KCNK2: variants seen among roughly 807,000 people sequenced by gnomAD.
KCNK2 encodes potassium two pore domain channel subfamily K member 2, also known as potassium channel subfamily K member 2.
A neutral mutation model predicts 40.5 loss-of-function variants in KCNK2; 21 were observed. The ratio of observed to expected loss-of-function variants is 0.52; its 90% CI spans 0.37 to 0.75. KCNK2 has a LOEUF of 0.75. Ranked by LOEUF, KCNK2 falls within the 30% of genes least tolerant of loss-of-function variation. The probability of loss-of-function intolerance (pLI) is 0.00; values close to 1 mark genes in which losing one functional copy is unlikely to be tolerated. For missense variants in KCNK2, 399 were observed against 531.6 expected (o/e 0.75, Z 2.45); for synonymous variants, 191 against 202.2 (o/e 0.94, Z 0.47).
chr1:215,202,743 G>A (rs1358755507), intron 6 of KCNK2, among the ~76,000 whole-genome samples: 1 of 152,168 alleles, frequency 6.6e-6, no homozygotes, highest in Non-Finnish European at 1.5e-5. Context: ...GATGTAAAAT[G>A]CACAGCTGTC....
At chr1:215,163,483 C>T (rs555732601) in intron 3 of KCNK2, among the ~76,000 whole-genome samples, 11 of 152,222 alleles carry the variant, frequency 7.2e-5, no homozygotes, top group African/African-American at 2.2e-4. Flanking sequence ...GAGAGGGCAT[C>T]CTTGTCTTGT....
At chr1:215,203,856 A>G (rs189960955) in intron 6 of KCNK2, among the ~76,000 whole-genome samples, 25 of 151,874 alleles carry the variant, frequency 1.6e-4, no homozygotes, top group African/African-American at 6.0e-4. Flanking sequence ...GGCAAACACC[A>G]TGAAACCCCG....
At chr1:215,219,458 T>C (rs925031493) in intron 6 of KCNK2, among the ~76,000 whole-genome samples, 1 of 152,010 alleles carries the variant, frequency 6.6e-6, no homozygotes, top group Non-Finnish European at 1.5e-5. Context: ...ATTATGTATC[T>C]CCTTAAATGT....
intron 1 of KCNK2, among the ~76,000 whole-genome samples, chr1:215,085,147 TC>T (rs1303665051): frequency 1.3e-5 from 2 of 152,212 alleles, no homozygotes; most frequent in Non-Finnish European, 2.9e-5. Flanking sequence ...CATGGAGATT[TC>T]TTATATACTT....
chr1:215,184,812 T>C (rs1162425287), intron 5 of KCNK2, among the ~76,000 whole-genome samples: 1 of 152,174 alleles, frequency 6.6e-6, no homozygotes, highest in East Asian at 1.9e-4. Context: ...CCAAACCATA[T>C]CAGTGTTATT....
chr1:215,083,316 A>G lies in KCNK2; in HGVS notation c.-70A>G. On this transcript the variant is annotated 5_prime_UTR_variant, in exon 1 of 7. Transcript: ENST00000444842. ...CCGTCTCTGAATAAGAAGTGAGTACAATGGCGTGTTTGTAAAAAAAAGCTT... is the reference window on the plus strand; with the variant it reads ...CCGTCTCTGAATAAGAAGTGAGTACGATGGCGTGTTTGTAAAAAAAAGCTT... 1 of 1,613,430 alleles carries G rather than the reference A, an allele frequency of 6.2e-7. No homozygotes were observed. The highest frequency in any genetic ancestry group is 8.5e-7 in the Non-Finnish European group (1 of 1,179,732).
chr1:215,150,083 A>T (rs1392309696), intron 3 of KCNK2, among the ~76,000 whole-genome samples: 1 of 152,192 alleles, frequency 6.6e-6, no homozygotes, highest in African/African-American at 2.4e-5. Flanking sequence ...AGTCTTAGTA[A>T]AGGGAACCCT....
chr1:215,073,302 C>T lies in KCNK2; in HGVS notation c.35-13066C>T, dbSNP rs576037996. On this transcript the variant is annotated intron_variant, in intron 1 of 6. Coordinates refer to the KCNK2 transcript ENST00000391895. ...ACTTCAGCTACATGAGTTTTTGGCA[C>T]TTTGTTATAGCAGCCCTAGGAAACA... is the stretch of plus-strand genomic sequence containing the variant. Among the ~76,000 whole-genome samples, 10 of 152,190 alleles carry T rather than the reference C, an allele frequency of 6.6e-5. No homozygotes were observed. The East Asian group carries it at 1.7e-3, about 26-fold the overall frequency.
chr1:215,057,795 C>T (rs1286828935), intron 1 of KCNK2, among the ~76,000 whole-genome samples: 1 of 152,100 alleles, frequency 6.6e-6, no homozygotes. Context: ...CACATTTTGG[C>T]TTTGCTCCCT....
At chr1:215,081,706 G>C (rs946009790), upstream of KCNK2, 16 of 152,168 alleles carry the variant, frequency 1.1e-4, no homozygotes. Flanking sequence ...AGTTGGGATG[G>C]GAGGGTGGAG....
At chr1:215,229,830 C>T (rs955950700) in intron 6 of KCNK2, among the ~76,000 whole-genome samples, 27 of 151,828 alleles carry the variant, frequency 1.8e-4, no homozygotes, top group Admixed American at 5.2e-4. Context: ...TAATGTAACC[C>T]GCTATAGGGT....
intron 2 of KCNK2, among the ~76,000 whole-genome samples, chr1:215,111,090 G>A (rs1384275603): frequency 1.3e-5 from 2 of 152,162 alleles, no homozygotes; most frequent in Non-Finnish European, 2.9e-5. Flanking sequence ...TATATAGCAT[G>A]TAGCTTGGTA....
intron 1 of KCNK2, among the ~76,000 whole-genome samples, chr1:215,013,043 T>A (rs909788756): frequency 3.3e-5 from 5 of 152,210 alleles, no homozygotes; most frequent in African/African-American, 1.2e-4. Flanking sequence ...TCACTTCAAG[T>A]TAATTTTGTA....
At chr1:215,154,392 T>G (rs1645533026) in intron 3 of KCNK2, among the ~76,000 whole-genome samples, 1 of 152,100 alleles carries the variant, frequency 6.6e-6, no homozygotes, top group South Asian at 2.1e-4. Context: ...ATAAATGTCT[T>G]CTTTTGAGAA....
At chr1:215,054,598 C>T (rs1383660147) in intron 1 of KCNK2, among the ~76,000 whole-genome samples, 2 of 152,158 alleles carry the variant, frequency 1.3e-5, no homozygotes, top group African/African-American at 2.4e-5. Flanking sequence ...AAGCACCAAC[C>T]GTGAGTTACT....
intron 3 of KCNK2, among the ~76,000 whole-genome samples, chr1:215,157,254 A>G (rs1348723238): frequency 3.3e-5 from 5 of 152,198 alleles, no homozygotes; most frequent in Non-Finnish European, 5.9e-5. Context: ...TCTGTCTCAG[A>G]GGAGATATCC....
Position 215,077,551 on chromosome 1 carries a change from A to T in KCNK2, c.35-8817A>T, listed in dbSNP as rs186839044. ...ACATAGCAACCAGAGGGATTTTTTT[A>T]AAATGCACTTGATGAGATTTCTTCT... On this transcript the variant is annotated intron_variant, in intron 1 of 6. Transcript: ENST00000391895. Among the ~76,000 whole-genome samples the T allele has an allele frequency of 8.5e-5, 13 of 152,248 alleles. No homozygotes were observed. The East Asian group carries it at 1.7e-3, about 20-fold the overall frequency.
chr1:215,224,083 C>T (rs1666291358), intron 6 of KCNK2, among the ~76,000 whole-genome samples: 1 of 152,102 alleles, frequency 6.6e-6, no homozygotes, highest in Middle Eastern at 3.2e-3. Context: ...AGTTAAGCAG[C>T]ATATTGAAAA....
upstream of KCNK2, among the ~76,000 whole-genome samples, chr1:215,080,765 A>G (rs1659124298): frequency 6.6e-6 from 1 of 152,176 alleles, no homozygotes; most frequent in Non-Finnish European, 1.5e-5. Context: ...TTCCAGGGAA[A>G]TTTCTGGGCA....
Sources: allele counts gnomAD v4.1 joint callset (sites outside exome capture counted in the v4.1 genomes callset), GRCh38; gene constraint gnomAD v4.1.1; transcripts MANE v1.5; gene names NCBI Gene and HGNC (gene_info 2026-07-23, HGNC 2026-07-21).